Variants in TVP23A observed in about 807,000 individuals in gnomAD.
TVP23A encodes the protein trans-golgi network vesicle protein 23 homolog A, also known as Golgi apparatus membrane protein TVP23 homolog A.
In TVP23A, 21 loss-of-function variants were observed where a neutral mutation model predicts 31.7. The ratio of observed to expected loss-of-function variants is 0.66; its 90% confidence interval spans 0.47 to 0.95. TVP23A has a LOEUF of 0.95. TVP23A is among the 40% of genes least tolerant of loss of function. The pLI, the probability that TVP23A is intolerant of heterozygous loss-of-function variation, is 0.00. For missense variants in TVP23A, 279 were observed against 255.6 expected, an observed-to-expected ratio of 1.09 and a Z score of -0.62; for synonymous variants, 104 against 96.0, an observed-to-expected ratio of 1.08 and a Z score of -0.49.
At chr16:10,808,131 T>G (rs2034027829) in intron 2 of TVP23A, among the ~76,000 whole-genome samples, 1 of 152,198 alleles carries the variant, frequency 6.6e-6, no homozygotes. Flanking sequence ...AGGTTTGTAA[T>G]GAAGATGAAA....
downstream of TVP23A, chr16:10,761,710 A>C: frequency 2.0e-6 from 3 of 1,480,602 alleles, no homozygotes; most frequent in Non-Finnish European, 1.9e-6. Flanking sequence ...CATCCTTGTG[A>C]TTCTGCAAAA....
intron 2 of TVP23A, among the ~76,000 whole-genome samples, chr16:10,796,752 T>C (rs949589505): frequency 6.6e-6 from 1 of 152,188 alleles, no homozygotes; most frequent in African/African-American, 2.4e-5. Flanking sequence ...AAAGGGATTT[T>C]ATATAGCAAC....
chr16:10,764,703 CTCAGTCTGCTGGAGTATG>C (rs2030594030), downstream of TVP23A, among the ~76,000 whole-genome samples: 1 of 151,530 alleles, frequency 6.6e-6, no homozygotes, highest in African/African-American at 2.4e-5. Context: ...ATTGGAGCAT[CTCAGTCTGCTGGAGTATG>C]TCAGTCTGTT....
downstream of TVP23A, chr16:10,757,766 C>T (rs114196812): frequency 4.2e-4 from 589 of 1,412,204 alleles, 3 homozygotes; most frequent in African/African-American, 7.9e-3. This position sits in a 1 kb window ranked among gnomAD's most constrained non-coding sequence, Gnocchi z 4.1. Context: ...AGTTAAGAGC[C>T]AACCTGGGCA....
chr16:10,809,831 C>T (rs189139064), intron 2 of TVP23A, among the ~76,000 whole-genome samples: 25 of 152,300 alleles, frequency 1.6e-4, no homozygotes, highest in African/African-American at 5.3e-4. Flanking sequence ...GTCTGCAACA[C>T]AGCACGGCTA....
At chr16:10,774,766 G>A (rs946994143) in intron 3 of TVP23A, among the ~76,000 whole-genome samples, 186 bp downstream of exon 3, 2 of 151,812 alleles carry the variant, frequency 1.3e-5, no homozygotes, top group East Asian at 1.9e-4. Flanking sequence ...ACACACCACC[G>A]CGCCAGGCTA....
intron 2 of TVP23A, among the ~76,000 whole-genome samples, chr16:10,792,693 T>C (rs559541688): frequency 1.7e-4 from 26 of 152,380 alleles, no homozygotes; most frequent in African/African-American, 6.3e-4. Flanking sequence ...GGATGAACCA[T>C]CTGGGCTGAT....
At chr16:10,770,059 C>T (rs1047057049) in intron 7 of TVP23A, among the ~76,000 whole-genome samples, 2 of 152,214 alleles carry the variant, frequency 1.3e-5, no homozygotes, top group Admixed American at 6.5e-5. Flanking sequence ...GGTGTGACCT[C>T]GCCCCCCGAC....
intron 2 of TVP23A, among the ~76,000 whole-genome samples, chr16:10,776,141 G>A (rs1052304504): frequency 4.0e-5 from 6 of 151,744 alleles, no homozygotes; most frequent in East Asian, 3.9e-4. Flanking sequence ...TTGGGAGGCC[G>A]AGGCGGGCGG....
chr16:10,803,555 TCAA>T (rs1178291100), intron 2 of TVP23A, among the ~76,000 whole-genome samples: 1 of 151,980 alleles, frequency 6.6e-6, no homozygotes, highest in Non-Finnish European at 1.5e-5. Context: ...ATCAAAATAT[TCAA>T]CAACTGATAT....
At chr16:10,776,053 T>G (rs2031993945) in intron 2 of TVP23A, among the ~76,000 whole-genome samples, 1 of 151,180 alleles carries the variant, frequency 6.6e-6, no homozygotes, top group South Asian at 2.2e-4. Flanking sequence ...CTGGCCTTAT[T>G]TTTTTTATTA....
chr16:10,775,514 G>A, intron 2 of TVP23A: 2 of 1,043,746 alleles, frequency 1.9e-6, no homozygotes, highest in Non-Finnish European at 2.3e-6. Flanking sequence ...AGCCCACGGG[G>A]CAGGTGTCTC....
rs779939328 is a variant in TVP23A at position 10,775,107 on chromosome 16, AC to A, written c.90-12del. 6.2e-7 allele frequency: 1 copy of A among 1,602,726 alleles called. No individual in the cohort carries two copies. The highest frequency in any genetic ancestry group is 1.1e-5 in the South Asian group (1 of 88,940). On this transcript the variant is annotated splice_polypyrimidine_tract_variant and intron_variant, in intron 2 of 7. Transcript: ENST00000299866. ...GTGGCCAAGGGGTGTCTAGGAAAGG[AC>A]CCAGAAGGCGCCCTCACTCCAAGAG...
chr16:10,773,544 G>T, intron 4 of TVP23A, 103 bp from the exon 5 acceptor site: 1 of 1,384,746 alleles, frequency 7.2e-7, no homozygotes, highest in Non-Finnish European at 9.7e-7. Flanking sequence ...TTTTGTTGCT[G>T]TGGGATTTTT....
Position 10,779,826 on chromosome 16 carries a change from G to A in TVP23A, c.90-4730C>T, listed in dbSNP as rs1316039069. 2.6e-5 allele frequency among the ~76,000 whole-genome samples: 4 copies of A among 152,182 alleles called. No individual in the cohort carries two copies. The highest frequency in any genetic ancestry group is 7.2e-5 in the African/African-American group (3 of 41,450). On this transcript the variant is annotated intron_variant, in intron 2 of 7. Transcript: ENST00000299866. The surrounding 1 kb of genome is among the most constrained non-coding windows in gnomAD (Gnocchi z 4.9). ...TGATTGGCCGGGGGCGGTGGCTCAC[G>A]CCTGTAATCCCCAGCCCTTTGGGAA...
At chr16:10,802,241 CGTGTGTGTGTGTGTGTGTGTGTGT>C (rs61036988) in intron 2 of TVP23A, among the ~76,000 whole-genome samples, 20 of 130,486 alleles carry the variant, frequency 1.5e-4, no homozygotes, top group African/African-American at 5.8e-4. Flanking sequence ...TTATATGATA[CGTGTGTGTGTGTGTGTGTGTGTGT>C]GTGTGTGTGT....
downstream of TVP23A, chr16:10,766,130 G>A (rs962177322): frequency 5.2e-5 from 8 of 152,522 alleles, no homozygotes; most frequent in Non-Finnish European, 8.8e-5. The surrounding 1 kb of genome is among the most constrained non-coding windows in gnomAD (Gnocchi z 4.8). Flanking sequence ...GCGCTCTGGT[G>A]CTATGGGTCC....
At chr16:10,788,542 G>A (rs2032906779) in intron 2 of TVP23A, among the ~76,000 whole-genome samples, 1 of 152,172 alleles carries the variant, frequency 6.6e-6, no homozygotes, top group African/African-American at 2.4e-5. Context: ...CCGAAGTCCG[G>A]TGGTGACAAA....
Position 10,813,592 on chromosome 16 carries a change from A to T in TVP23A, c.89+4511T>A, listed in dbSNP as rs560484364. Among the ~76,000 whole-genome samples the T allele has an allele frequency of 5.9e-5, 9 of 152,326 alleles. No individual in the cohort carries two copies. In the South Asian group the frequency reaches 1.2e-3, roughly 21 times the overall value. The stretch of plus-strand genomic sequence containing the variant: ...GACTCCGTCTCATAAACAAACAAAT[A>T]AACAAATAAATAAATAAAGTTTGGA... On this transcript the variant is annotated intron_variant, in intron 2 of 7. Coordinates refer to ENST00000299866, the MANE Select transcript of TVP23A (RefSeq NM_001079512.4).
Sources: allele counts gnomAD v4.1 joint callset (sites outside exome capture counted in the v4.1 genomes callset), GRCh38; gene constraint gnomAD v4.1.1; non-coding constraint Gnocchi (gnomAD v3.1); transcripts MANE v1.5; gene names NCBI Gene and HGNC (gene_info 2026-07-23, HGNC 2026-07-21).